BBOF1: variants seen among roughly 807,000 people sequenced by gnomAD.
BBOF1 encodes the protein basal body orientation factor 1.
A neutral mutation model predicts 68.0 loss-of-function variants in BBOF1; 62 were observed. The observed-to-expected ratio is 0.91, with a 90% CI of 0.74 to 1.13. The LOEUF (loss-of-function observed/expected upper bound fraction) is 1.13, where lower values mean the gene tolerates loss of function less well. Ranked by LOEUF, BBOF1 falls within the 50% of genes most tolerant of loss-of-function variation. BBOF1 has a pLI of 0.00. For synonymous variants in BBOF1, 208 were observed against 198.8 expected (o/e 1.05, Z -0.39); for missense variants, 534 against 600.1 (o/e 0.89, Z 1.15).
intron 3 of BBOF1, among the ~76,000 whole-genome samples, chr14:74,029,454 G>A (rs1034213418): frequency 2.6e-5 from 4 of 152,044 alleles, no homozygotes; most frequent in African/African-American, 9.7e-5. Context: ...ATGCTGAGGC[G>A]GCGGATCACC....
At chr14:74,073,077 G>C (rs1661767032) in intron 9 of BBOF1, among the ~76,000 whole-genome samples, 1 of 152,162 alleles carries the variant, frequency 6.6e-6, no homozygotes, top group Non-Finnish European at 1.5e-5. Flanking sequence ...TAGGATTACA[G>C]GCGTGAGCCT....
At chr14:74,023,925 CAAAAAA>C (rs780429164) in intron 2 of BBOF1, among the ~76,000 whole-genome samples, 1 of 46,780 alleles carries the variant, frequency 2.1e-5, no homozygotes, top group African/African-American at 7.4e-5. Context: ...GACTCCATCT[CAAAAAA>C]AAAAAAAAAA....
intron 8 of BBOF1, among the ~76,000 whole-genome samples, chr14:74,053,121 A>G (rs140550428): frequency 6.6e-6 from 1 of 151,896 alleles, no homozygotes; most frequent in Non-Finnish European, 1.5e-5. Flanking sequence ...TTAATTAATT[A>G]ATTTATTTTT....
intron 8 of BBOF1, among the ~76,000 whole-genome samples, chr14:74,052,498 A>T (rs548778437): frequency 1.3e-5 from 2 of 151,850 alleles, no homozygotes; most frequent in Non-Finnish European, 2.9e-5. Context: ...TACAAAAATT[A>T]GCCAGGCATG....
At chr14:74,053,559 A>T (rs959118665) in intron 8 of BBOF1, among the ~76,000 whole-genome samples, 1 of 151,922 alleles carries the variant, frequency 6.6e-6, no homozygotes, top group African/African-American at 2.4e-5. Flanking sequence ...ATGTGCCACC[A>T]TGCCAGGCTA....
rs1255748276 is a variant in BBOF1 at position 74,065,255 on chromosome 14, C to T, written c.*556C>T. 1 of 1,614,110 alleles carries T rather than the reference C, an allele frequency of 6.2e-7. No homozygotes were observed. Among genetic ancestry groups the T allele is most frequent in the South Asian group, 1.1e-5 (1 of 91,088 alleles). On this transcript the variant is annotated 3_prime_UTR_variant, in exon 12 of 12. Coordinates refer to ENST00000394009, the MANE Select transcript of BBOF1 (RefSeq NM_025057.3). ...GTGGTGAAGATGGCAGTTCCATTTC[C>T]ATATGGGTTGTTATTTACAATCTGG...
At chr14:74,045,067 T>C (rs1277606689) in intron 5 of BBOF1, among the ~76,000 whole-genome samples, 1 of 152,126 alleles carries the variant, frequency 6.6e-6, no homozygotes, top group Non-Finnish European at 1.5e-5. Context: ...AGTCCCTGCT[T>C]TTGGGCATAA....
chr14:74,072,256 A>G, intron 9 of BBOF1: 1 of 1,614,258 alleles, frequency 6.2e-7, no homozygotes, highest in South Asian at 1.1e-5. Flanking sequence ...TGGCGGCTTA[A>G]TACTGAAGTG....
intron 9 of BBOF1, chr14:74,072,617 A>AC: frequency 6.2e-7 from 1 of 1,611,584 alleles, no homozygotes; most frequent in African/African-American, 1.4e-5. Flanking sequence ...GTTGGCTGAA[A>AC]AAAACAAACA....
At chr14:74,054,386 T>G (rs1012155545) in intron 8 of BBOF1, among the ~76,000 whole-genome samples, 2 of 137,688 alleles carry the variant, frequency 1.5e-5, no homozygotes, top group African/African-American at 6.1e-5. Flanking sequence ...TTTTTTGTTG[T>G]TTTTTTTTTT....
chr14:74,074,831 A>G, intron 9 of BBOF1: 2 of 991,064 alleles, frequency 2.0e-6, no homozygotes, highest in Non-Finnish European at 3.1e-6. Context: ...AAATAATCCA[A>G]AAGGAGGAAA....
At chr14:74,026,308 G>C (rs1318775130) in intron 2 of BBOF1, among the ~76,000 whole-genome samples, 1 of 151,626 alleles carries the variant, frequency 6.6e-6, no homozygotes, top group Admixed American at 6.6e-5. Flanking sequence ...CAGGTGTGGT[G>C]GTGGGCACCT....
Position 74,049,958 on chromosome 14 carries a change from A to G in BBOF1, c.1049A>G (p.Lys350Arg). ...REMNRVKKLA[K>R]NILDERTEVE... is the part of the protein sequence containing the mutation. ...ATGAATCGTGTGAAGAAGCTGGCCA[A>G]GAACATACTGGATGAGAGAACAGAA... The change falls in exon 8 of 12, where the codon AAG becomes AGG. Residue 350 changes from lysine (K) to arginine (R), a missense_variant. Lys to Arg is a conservative substitution (Grantham distance 26). Coordinates refer to ENST00000394009, the MANE Select transcript of BBOF1 (RefSeq NM_025057.3). The G allele has an allele frequency of 6.2e-7, 1 of 1,614,220 alleles. No individual in the cohort carries two copies. Among genetic ancestry groups the G allele is most frequent in the South Asian group, 1.1e-5 (1 of 91,086 alleles).
chr14:74,053,870 TCTGG>T (rs1425147569), intron 8 of BBOF1, among the ~76,000 whole-genome samples: 1 of 149,632 alleles, frequency 6.7e-6, no homozygotes, highest in African/African-American at 2.5e-5. Flanking sequence ...TGCCACCACG[TCTGG>T]CTGATTTTCT....
At chr14:74,068,123 G>T (rs1595120156), downstream of BBOF1, among the ~76,000 whole-genome samples, 1 of 152,100 alleles carries the variant, frequency 6.6e-6, no homozygotes, top group East Asian at 1.9e-4. Context: ...GGTGGCTCAT[G>T]CCTGTAATCC....
rs190142029 is a variant in BBOF1, at chr14:74,024,550, C to T, written c.285+1406C>T. Among the ~76,000 whole-genome samples the T allele has an allele frequency of 9.2e-5, 14 of 152,174 alleles. No homozygotes were observed. The East Asian group carries it at 1.9e-3, about 21-fold the overall frequency. On this transcript the variant is annotated intron_variant, in intron 2 of 11. Transcript: ENST00000394009. ...GTATGATCACGGCTCACCACAGGAT[C>T]GACATCCGGGCTCAGATGATCCTCC...
intron 9 of BBOF1, chr14:74,072,722 A>G (rs926621012): frequency 8.2e-7 from 1 of 1,219,628 alleles, no homozygotes; most frequent in Admixed American, 2.0e-5. Context: ...ACAAGTTGAT[A>G]ACGGAATCTT....
intron 11 of BBOF1, among the ~76,000 whole-genome samples, chr14:74,064,037 C>T (rs949536854): frequency 3.3e-5 from 5 of 151,856 alleles, no homozygotes; most frequent in African/African-American, 1.2e-4. Context: ...GAGTGGCTCA[C>T]ACCTGTAATC....
intron 3 of BBOF1, chr14:74,031,687 T>G (rs1300791601): frequency 6.6e-6 from 1 of 152,152 alleles, no homozygotes; most frequent in African/African-American, 2.4e-5. Flanking sequence ...TTTCCATCTC[T>G]TTCTTCACCA....
Sources: gnomAD v4.1 joint callset for allele counts (sites outside exome capture counted in the v4.1 genomes callset) on GRCh38, gnomAD v4.1.1 for gene constraint, MANE v1.5 for transcripts, NCBI Gene and HGNC (gene_info 2026-07-23, HGNC 2026-07-21) for gene names.